Variants in PCDH9 observed in about 807,000 individuals in gnomAD.
The protein encoded by PCDH9 is protocadherin-9.
A neutral mutation model predicts 70.6 loss-of-function variants in PCDH9; 24 were observed. The observed-to-expected ratio is 0.34, with a 90% CI of 0.25 to 0.48. The LOEUF (loss-of-function observed/expected upper bound fraction) is 0.48, where lower values mean the gene tolerates loss of function less well. PCDH9 is among the 20% of genes least tolerant of loss of function. The probability of loss-of-function intolerance (pLI) is 0.99; values close to 1 mark genes in which losing one functional copy is unlikely to be tolerated. For synonymous variants in PCDH9, 562 were observed against 558.5 expected (o/e 1.01, Z -0.09); for missense variants, 1,281 against 1,503.6 (o/e 0.85, Z 2.45).
intron 3 of PCDH9, among the ~76,000 whole-genome samples, chr13:66,818,850 C>G (rs1489849949): frequency 1.3e-5 from 2 of 151,880 alleles, no homozygotes; most frequent in African/African-American, 2.4e-5. Flanking sequence ...AGGAGAATGG[C>G]GTGAACCCAG....
intron 3 of PCDH9, among the ~76,000 whole-genome samples, chr13:66,783,830 C>T (rs1366368629): frequency 1.3e-5 from 2 of 152,098 alleles, no homozygotes; most frequent in African/African-American, 2.4e-5. Context: ...TACAACATAA[C>T]AGTATTAAAA....
intron 2 of PCDH9, among the ~76,000 whole-genome samples, chr13:67,184,625 G>C (rs2088702125): frequency 6.6e-6 from 1 of 152,128 alleles, no homozygotes; most frequent in African/African-American, 2.4e-5. Context: ...CGGCTACTTG[G>C]GGGGCTGAGG....
At chr13:67,205,745 T>A (rs913514445) in intron 2 of PCDH9, 20 of 152,142 alleles carry the variant, frequency 1.3e-4, no homozygotes, top group Non-Finnish European at 2.5e-4. Context: ...ACTCTCTATT[T>A]CATTTTAACC....
chr13:66,879,097 T>C (rs1368952426), intron 3 of PCDH9, among the ~76,000 whole-genome samples: 1 of 152,198 alleles, frequency 6.6e-6, no homozygotes, highest in Non-Finnish European at 1.5e-5. Flanking sequence ...GACAGTCATT[T>C]TGGAAAAACA....
At chr13:66,613,648 A>G (rs2077320586) in intron 4 of PCDH9, among the ~76,000 whole-genome samples, 1 of 151,688 alleles carries the variant, frequency 6.6e-6, no homozygotes, top group Non-Finnish European at 1.5e-5. Flanking sequence ...GAGCCCTCTC[A>G]GGTTAGATAT....
intron 4 of PCDH9, among the ~76,000 whole-genome samples, chr13:66,400,566 G>C (rs1957168798): frequency 6.6e-6 from 1 of 152,092 alleles, no homozygotes; most frequent in Admixed American, 6.6e-5. Context: ...TAGCAGGAGT[G>C]ACAGATGTTT....
intron 2 of PCDH9, among the ~76,000 whole-genome samples, chr13:66,904,929 G>A (rs2082335635): frequency 6.6e-6 from 1 of 151,858 alleles, no homozygotes; most frequent in African/African-American, 2.4e-5. Flanking sequence ...CTTTTAGCAT[G>A]AAAAAATATT....
intron 2 of PCDH9, among the ~76,000 whole-genome samples, chr13:67,029,495 A>G (rs1417964979): frequency 6.6e-6 from 1 of 152,128 alleles, no homozygotes; most frequent in Admixed American, 6.6e-5. Flanking sequence ...TCTTCTAAAA[A>G]GAGCTCTTCA....
At chr13:66,557,561 G>A (rs1393227584) in intron 4 of PCDH9, among the ~76,000 whole-genome samples, 1 of 152,078 alleles carries the variant, frequency 6.6e-6, no homozygotes, top group Non-Finnish European at 1.5e-5. Flanking sequence ...GATTTATATT[G>A]CTTTCTCTTC....
intron 4 of PCDH9, among the ~76,000 whole-genome samples, chr13:66,512,453 TA>T (rs1566381392): frequency 6.6e-6 from 1 of 152,050 alleles, no homozygotes; most frequent in East Asian, 1.9e-4. Context: ...GAAACTATAA[TA>T]AGGATAGGTT....
chr13:66,402,307 A>G (rs1238881549), intron 4 of PCDH9, among the ~76,000 whole-genome samples: 20 of 152,152 alleles, frequency 1.3e-4, no homozygotes. Flanking sequence ...AGTTCCTGTT[A>G]AGTAAACAAG....
chr13:67,143,030 A>G (rs2087435559), intron 2 of PCDH9, among the ~76,000 whole-genome samples: 1 of 152,006 alleles, frequency 6.6e-6, no homozygotes, highest in African/African-American at 2.4e-5. Context: ...AGAAAAAATA[A>G]GAAAGAAAGA....
intron 4 of PCDH9, among the ~76,000 whole-genome samples, chr13:66,534,728 A>C (rs1425912024): frequency 6.6e-6 from 1 of 152,126 alleles, no homozygotes; most frequent in Admixed American, 6.6e-5. Flanking sequence ...ACACATTCTT[A>C]TAAGAACTAT....
intron 2 of PCDH9, among the ~76,000 whole-genome samples, chr13:67,189,619 T>C (rs2088855960): frequency 6.6e-6 from 1 of 151,950 alleles, no homozygotes; most frequent in Non-Finnish European, 1.5e-5. Context: ...TACAAAAATA[T>C]ATACAATTAA....
intron 4 of PCDH9, among the ~76,000 whole-genome samples, chr13:66,627,511 A>C (rs2077514562): frequency 6.6e-6 from 1 of 152,186 alleles, no homozygotes; most frequent in Non-Finnish European, 1.5e-5. Flanking sequence ...ATTCTGCTCT[A>C]GACATTTACA....
intron 4 of PCDH9, among the ~76,000 whole-genome samples, chr13:66,504,981 T>A (rs1959196602): frequency 6.6e-6 from 1 of 152,174 alleles, no homozygotes; most frequent in African/African-American, 2.4e-5. Flanking sequence ...TCCAGGTATA[T>A]CTCAGAAATT....
chr13:66,798,372 C>CTCTTCCTTTGG (rs1317414371), intron 3 of PCDH9, among the ~76,000 whole-genome samples: 2 of 152,148 alleles, frequency 1.3e-5, no homozygotes, highest in Non-Finnish European at 2.9e-5. Flanking sequence ...ATCCCATCTT[C>CTCTTCCTTTGG]TCTTCCTTTG....
rs2082158051 is a variant in PCDH9, at chr13:66,895,223, TGTG to T, written c.3138+8278_3138+8280del. Among the ~76,000 whole-genome samples the T allele has an allele frequency of 2.0e-5, 3 of 152,346 alleles. No homozygotes were observed. The South Asian group carries it at 6.2e-4, about 32-fold the overall frequency. On this transcript the variant is annotated intron_variant, in intron 3 of 4. Coordinates refer to ENST00000377865, the MANE Select transcript of PCDH9 (RefSeq NM_203487.3). The stretch of plus-strand genomic sequence containing the variant: ...ATATTTATTTAATTTGATTTGTCAA[TGTG>T]TACTTCTAACCATAGGTACTTTCCA...
At chr13:66,627,334 T>C (rs1162867872) in intron 4 of PCDH9, among the ~76,000 whole-genome samples, 1 of 152,152 alleles carries the variant, frequency 6.6e-6, no homozygotes, top group Non-Finnish European at 1.5e-5. Context: ...AAATTATTGC[T>C]AGAGATGATT....
Sources: gnomAD v4.1 joint callset for allele counts (sites outside exome capture counted in the v4.1 genomes callset) on GRCh38, gnomAD v4.1.1 for gene constraint, MANE v1.5 for transcripts, NCBI Gene and HGNC (gene_info 2026-07-23, HGNC 2026-07-21) for gene names.